The following GABRP variants were observed in gnomAD, a reference collection of about 807,000 sequenced individuals.
The protein encoded by GABRP is gamma-aminobutyric acid type A receptor subunit pi, also known as gamma-aminobutyric acid receptor subunit pi.
In GABRP, 52 loss-of-function variants were observed where a neutral mutation model predicts 47.8. That is an observed-to-expected ratio of 1.09 (90% CI 0.87 to 1.37). The LOEUF is 1.37. Ranked by LOEUF, GABRP falls within the 40% of genes most tolerant of loss-of-function variation. The probability of loss-of-function intolerance (pLI) is 0.00; values close to 1 mark genes in which losing one functional copy is unlikely to be tolerated. For synonymous variants in GABRP, 221 were observed against 205.8 expected (o/e 1.07, Z -0.63); for missense variants, 525 against 542.8 (o/e 0.97, Z 0.33).
In GABRP at chr5:170,794,226, C is replaced by G; in HGVS notation, c.173-5C>G. On this transcript the variant is annotated splice_polypyrimidine_tract_variant and splice_region_variant and intron_variant, in intron 3 of 9. Transcript: ENST00000265294. ...TCCATTCTTTCTTGTTTTTTTTTAT[C>G]TTAGGAGAACCCGTACAGATAGCGC... The G allele has an allele frequency of 1.9e-6, 3 of 1,593,104 alleles. No homozygotes were observed. The highest frequency in any genetic ancestry group is 2.6e-6 in the Non-Finnish European group (3 of 1,167,008).
At chr5:170,807,743 CTA>C (rs879628539) in intron 7 of GABRP, among the ~76,000 whole-genome samples, 6 of 152,046 alleles carry the variant, frequency 3.9e-5, no homozygotes, top group African/African-American at 7.2e-5. Flanking sequence ...TTATTCTATA[CTA>C]TATTTATCCA....
At chr5:170,801,634 C>A (rs1765594318) in intron 6 of GABRP, among the ~76,000 whole-genome samples, 1 of 152,146 alleles carries the variant, frequency 6.6e-6, no homozygotes, top group African/African-American at 2.4e-5. Flanking sequence ...AGTCTCCAGC[C>A]AGTCTGGATG....
chr5:170,791,387 T>A (rs532073263), intron 3 of GABRP, among the ~76,000 whole-genome samples: 17 of 152,380 alleles, frequency 1.1e-4, no homozygotes, highest in Non-Finnish European at 2.2e-4. Flanking sequence ...CTCTGTAATG[T>A]CTGTGCACCC....
intron 6 of GABRP, among the ~76,000 whole-genome samples, chr5:170,803,940 G>C (rs1403576142): frequency 6.6e-6 from 1 of 152,006 alleles, no homozygotes; most frequent in Non-Finnish European, 1.5e-5. Context: ...GCTAATTTTT[G>C]TATTTTTAGT....
At chr5:170,798,429 A>G (rs759045492) in intron 6 of GABRP, among the ~76,000 whole-genome samples, 7 of 152,214 alleles carry the variant, frequency 4.6e-5, no homozygotes, top group Admixed American at 6.5e-5. Flanking sequence ...GTTTTAAACC[A>G]TGGAATCTTC....
intron 7 of GABRP, 36 bp from the exon 8 acceptor site, chr5:170,808,564 C>G (rs1765794994): frequency 6.3e-7 from 1 of 1,598,434 alleles, no homozygotes; most frequent in African/African-American, 1.3e-5. Context: ...GCTACACGAA[C>G]AGACACAATT....
Position 170,788,364 on chromosome 5 carries a change from TAAA to T in GABRP, c.-42-198_-42-196del, listed in dbSNP as rs11306016. On this transcript the variant is annotated intron_variant, in intron 1 of 9. Coordinates refer to ENST00000265294, the MANE Select transcript of GABRP (RefSeq NM_014211.3). ...GCCCTGTTTAAAAAAAATAAAAAAT[TAAA>T]AAAAAAAAAAACATAATCCTCCAAA... The T allele has an allele frequency of 3.5e-3, 1,176 of 340,176 alleles. 9 individuals carry two copies. Among genetic ancestry groups the T allele is most frequent in the African/African-American group, 0.022 (965 of 44,164 alleles). 21.1% of individuals were successfully genotyped at this position (340,176 alleles called of 1,614,324 possible).
rs1765178947 is a variant in GABRP, at chr5:170,788,377, AAC to A, written c.-42-195_-42-194del. ...AAAATAAAAAATTAAAAAAAAAAAA[AAC>A]ATAATCCTCCAAAATGAAGTCATTC... On this transcript the variant is annotated intron_variant, in intron 1 of 9. Transcript: ENST00000265294. 19 of 419,926 alleles carry A rather than the reference AAC, an allele frequency of 4.5e-5. No individual in the cohort carries two copies. In the East Asian group the frequency reaches 6.1e-4, roughly 14 times the overall value. 26.0% of individuals were successfully genotyped at this position (419,926 alleles called of 1,614,324 possible).
chr5:170,798,507 C>A (rs1765498151), intron 6 of GABRP, among the ~76,000 whole-genome samples: 1 of 152,086 alleles, frequency 6.6e-6, no homozygotes, highest in Admixed American at 6.6e-5. Flanking sequence ...TATAGACTAG[C>A]CCCTGAGACC....
rs752539770 is a variant in GABRP, at chr5:170,794,239, G to A, written c.181G>A (p.Val61Ile). Reference protein sequence around the residue: ...FLRPNFGGEPVQIALTLDIAS... With the variant: ...FLRPNFGGEPIQIALTLDIAS... ...GTTTTTTTTTATCTTAGGAGAACCC[G>A]TACAGATAGCGCTGACTCTGGACAT... The change falls in exon 4 of 10, where the codon GTA becomes ATA. Residue 61 changes from valine to isoleucine, a missense_variant. By Grantham distance (29) the Val-to-Ile change is conservative. Coordinates refer to ENST00000265294, the MANE Select transcript of GABRP (RefSeq NM_014211.3). 1.8e-5 allele frequency: 29 copies of A among 1,608,314 alleles called. No individual in the cohort carries two copies. Among genetic ancestry groups the A allele is most frequent in the African/African-American group, 8.0e-5 (6 of 74,568 alleles).
rs534380258 is a variant in GABRP at position 170,808,712 on chromosome 5, T to C, written c.792T>C (p.Phe264=). ...TFLVVLSWVS[F]WISLDSVPAR... ...TGGTGGTGTTGTCCTGGGTTTCATT[T>C]TGGATCTCTCTCGATTCAGTCCCTG... The change falls in exon 8 of 10, where the codon TTT becomes TTC. Residue 264 remains phenylalanine (F), a synonymous_variant. Transcript: ENST00000265294. The C allele has an allele frequency of 4.6e-5, 75 of 1,614,210 alleles. No individual in the cohort carries two copies. In the East Asian group the frequency reaches 1.6e-3, roughly 34 times the overall value.
chr5:170,809,525 T>A (rs1765825881), intron 8 of GABRP, 43 bp from the exon 9 acceptor site: 2 of 1,600,312 alleles, frequency 1.2e-6, no homozygotes, highest in Admixed American at 3.3e-5. Context: ...GGTGGAGGAC[T>A]AACCAGTCAC....
chr5:170,784,493 T>C (rs1765079605), intron 1 of GABRP, among the ~76,000 whole-genome samples: 1 of 151,822 alleles, frequency 6.6e-6, no homozygotes, highest in African/African-American at 2.4e-5. Context: ...CTGGGAGACA[T>C]TAGGCTGGAT....
At chr5:170,783,355 G>C (rs1034795964), upstream of GABRP, among the ~76,000 whole-genome samples, 6 of 152,176 alleles carry the variant, frequency 3.9e-5, no homozygotes, top group African/African-American at 1.4e-4. Context: ...TAGATGGGAA[G>C]CTGAGGCCTA....
At chr5:170,809,919 C>T (rs1164357091) in intron 9 of GABRP, 164 bp downstream of exon 9, 3 of 723,126 alleles carry the variant, frequency 4.1e-6, no homozygotes, top group East Asian at 5.3e-5. Flanking sequence ...AGTCATGGTG[C>T]CCCTTGAAAA....
At chr5:170,787,463 C>G (rs1581586643) in intron 1 of GABRP, among the ~76,000 whole-genome samples, 1 of 152,194 alleles carries the variant, frequency 6.6e-6, no homozygotes, top group Non-Finnish European at 1.5e-5. Context: ...AGGCCGGGCC[C>G]CTGGGCCATG....
chr5:170,808,647 C>A lies in GABRP; in HGVS notation c.727C>A (p.Leu243Met), dbSNP rs1232887492. 6.2e-7 allele frequency: 1 copy of A among 1,613,836 alleles called. No individual in the cohort carries two copies. Among genetic ancestry groups the A allele is most frequent in the Non-Finnish European group, 8.5e-7 (1 of 1,179,874 alleles). ...ACAGTTTGAGCTTCGGAGGAATGTT[C>A]TGTATTTCATTTTGGAAACCTACGT... The part of the protein sequence containing the change: ...VLQFELRRNV[L>M]YFILETYVPS... Residue 243 changes from leucine to methionine, a missense_variant, in exon 8 of 10, where the codon CTG becomes ATG. Coordinates refer to ENST00000265294, the MANE Select transcript of GABRP (RefSeq NM_014211.3).
intron 8 of GABRP, 59 bp from the exon 9 acceptor site, chr5:170,809,508 AG>A: frequency 1.3e-6 from 2 of 1,544,176 alleles, no homozygotes; most frequent in Non-Finnish European, 1.8e-6. Flanking sequence ...ACACTCTGCC[AG>A]GCTATGGTGG....
At chr5:170,811,919 CAA>C (rs758759950) in intron 9 of GABRP, 35 bp from the exon 10 acceptor site, 1 of 1,580,892 alleles carries the variant, frequency 6.3e-7, no homozygotes, top group South Asian at 1.1e-5. Context: ...TTTGCTGAGT[CAA>C]GTCTTTTAAG....
Sources: allele counts gnomAD v4.1 joint callset (sites outside exome capture counted in the v4.1 genomes callset), GRCh38; gene constraint gnomAD v4.1.1; transcripts MANE v1.5; gene names NCBI Gene and HGNC (gene_info 2026-07-23, HGNC 2026-07-21).